Variants in KMT2B observed in about 807,000 individuals in gnomAD.
The protein encoded by KMT2B is histone-lysine N-methyltransferase 2B.
KMT2B carries 22 observed loss-of-function variants against 255.3 expected under a neutral mutation model. The ratio of observed to expected loss-of-function variants is 0.09; its 90% CI spans 0.06 to 0.12. The LOEUF (loss-of-function observed/expected upper bound fraction) is 0.12. KMT2B is among the 10% of genes least tolerant of loss of function. KMT2B has a pLI of 1.00. For synonymous variants in KMT2B, 1,730 were observed against 1,498.1 expected (o/e 1.15, Z -3.57); for missense variants, 3,149 against 3,737.0 (o/e 0.84, Z 4.10).
At position 35,736,785 on chromosome 19, in the gene KMT2B, A is replaced by T. The variant is rs773264056; in HGVS notation, c.7255A>T (p.Ser2419Cys). ...TGGCCCACATCTGCGCTTCGAGATC[A>T]GCAGTGAGGATGGGTTCAGCGTTGA... ...RTGPHLRFEI[S>C]SEDGFSVEAE... The change falls in exon 31 of 37, where the codon AGC (serine) becomes TGC (cysteine). Residue 2419 changes from serine to cysteine, a missense_variant. By Grantham distance (112) the Ser-to-Cys change is moderately radical. This residue lies in a region of KMT2B where 103 missense variants were observed against 200.7 expected (regional missense o/e 0.51). Transcript: ENST00000420124. 5 of 1,613,898 alleles carry T rather than the reference A, an allele frequency of 3.1e-6. No homozygotes were observed. The African/African-American group carries it at 6.7e-5, about 22-fold the overall frequency.
chr19:35,722,507 G>GC, intron 4 of KMT2B, 35 bp downstream of exon 4: 1 of 1,600,032 alleles, frequency 6.2e-7, no homozygotes. Flanking sequence ...AAGAAGACTG[G>GC]CGGGAGGAGT....
At position 35,738,256 on chromosome 19, in the gene KMT2B, C is replaced by G. The variant is rs561907412; in HGVS notation, c.7873-26C>G. ...GAGCCTGTCCGCGGGGACAGAGCAC[C>G]TGATCTCCCCACCTCATCCCTGCAG... is the stretch of plus-strand genomic sequence containing the variant. On this transcript the variant is annotated intron_variant, in intron 36 of 36. Transcript: ENST00000420124. The surrounding 1 kb of genome is among the most constrained non-coding windows in gnomAD (Gnocchi z 8.7). The G allele has an allele frequency of 6.2e-7, 1 of 1,613,156 alleles. No individual in the cohort carries two copies. Among genetic ancestry groups the G allele is most frequent in the East Asian group, 2.2e-5 (1 of 44,838 alleles).
Position 35,723,331 on chromosome 19 carries a change from C to T in KMT2B, c.3002+57C>T. The T allele has an allele frequency of 6.3e-7, 1 of 1,580,336 alleles. No individual in the cohort carries two copies. On this transcript the variant is annotated intron_variant, in intron 6 of 36. Transcript: ENST00000420124. The surrounding 1 kb of genome is among the most constrained non-coding windows in gnomAD (Gnocchi z 7.5). ...GGTTGTTGGTCCCCTAGGCTTCCTA[C>T]CTCACTCCTCTTCTGCCTGGCCAGA...
Position 35,729,079 on chromosome 19 carries a change from G to A in KMT2B, c.4779+3G>A. On this transcript the variant is annotated splice_donor_region_variant and intron_variant, in intron 21 of 36. Transcript: ENST00000420124. Reference sequence around the variant, plus strand: ...AATACGGGGATGCAGACTCCAAGGTGAGGGCTGCTCTGTGACGCACCAGGT... The same window carrying A: ...AATACGGGGATGCAGACTCCAAGGTAAGGGCTGCTCTGTGACGCACCAGGT... The A allele has an allele frequency of 1.2e-6, 2 of 1,614,036 alleles. No homozygotes were observed. Among genetic ancestry groups the A allele is most frequent in the Non-Finnish European group, 1.7e-6 (2 of 1,179,900 alleles).
chr19:35,736,329 C>T lies in KMT2B; in HGVS notation c.7160-361C>T, dbSNP rs1268319. The T allele has an allele frequency of 8.5e-3, 1,755 of 205,754 alleles. 35 individuals are homozygous for T. Among genetic ancestry groups the T allele is most frequent in the African/African-American group, 0.036 (1,577 of 43,348 alleles). The allele number at this position is 205,754 out of a possible 1,614,324, so 12.7% of individuals were successfully genotyped here. A position where few individuals can be genotyped will look rare whatever the true frequency, so the allele number is the denominator to read the frequency against. On this transcript the variant is annotated intron_variant, in intron 30 of 36. Coordinates refer to ENST00000420124, the MANE Select transcript of KMT2B (RefSeq NM_014727.3). Reference sequence around the variant, plus strand: ...AAAAATAGATGTGCAAAATACAATTCTCCAGTATTTTAAATTTTGTGTGAG... The same window carrying T: ...AAAAATAGATGTGCAAAATACAATTTTCCAGTATTTTAAATTTTGTGTGAG...
Position 35,723,043 on chromosome 19 carries a change from G to A in KMT2B, c.2771G>A (p.Arg924Gln), listed in dbSNP as rs747264846. 3.7e-6 allele frequency: 6 copies of A among 1,611,548 alleles called. No individual in the cohort carries two copies. The highest frequency in any genetic ancestry group is 2.2e-5 in the South Asian group (2 of 91,012). Residue 924 changes from arginine (R) to glutamine (Q), a missense_variant, in exon 6 of 37, where the codon CGG (arginine) becomes CAG (glutamine). By Grantham distance (43) the Arg-to-Gln change is conservative. Coordinates refer to ENST00000420124, the MANE Select transcript of KMT2B (RefSeq NM_014727.3). This position sits in a 1 kb window ranked among gnomAD's most constrained non-coding sequence, Gnocchi z 7.5. ...GAGAGTGTCCCGTCACGGTCCCGGC[G>A]GGGAAAGGTGGAGGCAGCAGGCCCT... ...ETESVPSRSR[R>Q]GKVEAAGPGG...
chr19:35,723,364 G>T lies in KMT2B; in HGVS notation c.3003-83G>T. On this transcript the variant is annotated intron_variant, in intron 6 of 36. Transcript: ENST00000420124. This position sits in a 1 kb window ranked among gnomAD's most constrained non-coding sequence, Gnocchi z 7.5. ...CTCTTCTGCCTGGCCAGAGCAGTGG[G>T]GTTGGCATTCTTGTGGAGAGCTTCC... The T allele has an allele frequency of 6.5e-7, 1 of 1,547,548 alleles. No homozygotes were observed. The highest frequency in any genetic ancestry group is 8.8e-7 in the Non-Finnish European group (1 of 1,141,368).
At position 35,723,563 on chromosome 19, in the gene KMT2B, A is replaced by G; in HGVS notation, c.3058+61A>G. The G allele has an allele frequency of 4.1e-6, 6 of 1,471,602 alleles. No individual in the cohort carries two copies. Among genetic ancestry groups the G allele is most frequent in the Non-Finnish European group, 4.6e-6 (5 of 1,088,358 alleles). The allele number at this position is 1,471,602 out of a possible 1,614,324, so 91.2% of individuals were successfully genotyped here. A position where few individuals can be genotyped will look rare whatever the true frequency, so the allele number is the denominator to read the frequency against. On this transcript the variant is annotated intron_variant, in intron 7 of 36. Coordinates refer to ENST00000420124, the MANE Select transcript of KMT2B (RefSeq NM_014727.3). This position sits in a 1 kb window ranked among gnomAD's most constrained non-coding sequence, Gnocchi z 7.5. ...GTGTTAGAGTTTGTGCTGTGGAGGG[A>G]GCTGTTTTTCTTTGCTCTCCTCCCT...
chr19:35,723,462 C>T lies in KMT2B; in HGVS notation c.3018C>T (p.Asp1006=), dbSNP rs1445115626. 1.3e-6 allele frequency: 2 copies of T among 1,578,516 alleles called. No individual in the cohort carries two copies. The highest frequency in any genetic ancestry group is 1.7e-6 in the Non-Finnish European group (2 of 1,162,720). ...CCCTCCCCAGATACCGGAAGTGTGA[C>T]AAAATAGAGGCTCGGAAGATGGAAC... ...KKQCCVYRKC[D]KIEARKMERL... The change falls in exon 7 of 37, where the codon GAC becomes GAT. Residue 1006 remains aspartate, a synonymous_variant. Transcript: ENST00000420124. This position sits in a 1 kb window ranked among gnomAD's most constrained non-coding sequence, Gnocchi z 7.5.
rs201431533 is a variant in KMT2B, at chr19:35,721,396, T to C, written c.2049T>C (p.Pro683=). 1 of 1,609,254 alleles carries C rather than the reference T, an allele frequency of 6.2e-7. No homozygotes were observed. Among genetic ancestry groups the C allele is most frequent in the Admixed American group, 1.7e-5 (1 of 59,482 alleles). Residue 683 remains proline (P), a synonymous_variant, in exon 3 of 37, where the codon CCT becomes CCC. Coordinates refer to ENST00000420124, the MANE Select transcript of KMT2B (RefSeq NM_014727.3). ...AAGCCCCTGAGCCAGAGCCTCCTCC[T>C]GCCGATGACTCTCCAGCTGAGCCTG... ...APEAPEPEPP[P]ADDSPAEPEP...
rs901646478 is a variant in KMT2B at position 35,732,723 on chromosome 19, T to C, written c.6174T>C (p.Ile2058=). The C allele has an allele frequency of 6.8e-6, 11 of 1,610,300 alleles. No individual in the cohort carries two copies. In the Admixed American group the frequency reaches 8.4e-5, roughly 12 times the overall value. ...APSATPGAPR[I]EQLDGVDDGT... is the part of the protein sequence containing the mutation. ...GCGCTACCCCTGGAGCCCCCCGCATTGAACAGCTGGACGGCGTGGACGACG... is the reference window on the plus strand; with the variant it reads ...GCGCTACCCCTGGAGCCCCCCGCATCGAACAGCTGGACGGCGTGGACGACG... Residue 2058 remains isoleucine, a synonymous_variant, in exon 28 of 37, where the codon ATT becomes ATC. Coordinates refer to ENST00000420124, the MANE Select transcript of KMT2B (RefSeq NM_014727.3).
Position 35,737,862 on chromosome 19 carries a change from T to G in KMT2B, c.7662T>G (p.Arg2554=). ...TGACACTGCTGTCCCTCACCAGACG[T>G]GCCACCAGCCTGGAGCTGCCCATGG... is the stretch of plus-strand genomic sequence containing the variant. ...EDEVQLRSTR[R]ATSLELPMAM... The change falls in exon 35 of 37, where the codon CGT becomes CGG. Residue 2554 remains arginine (R), a synonymous_variant. Coordinates refer to ENST00000420124, the MANE Select transcript of KMT2B (RefSeq NM_014727.3). This position sits in a 1 kb window ranked among gnomAD's most constrained non-coding sequence, Gnocchi z 5.3. 2 of 1,570,226 alleles carry G rather than the reference T, an allele frequency of 1.3e-6. No homozygotes were observed. Among genetic ancestry groups the G allele is most frequent in the South Asian group, 2.3e-5 (2 of 85,996 alleles).
Position 35,729,278 on chromosome 19 carries a change from G to C in KMT2B, c.4899G>C (p.Val1633=). The C allele has an allele frequency of 6.2e-7, 1 of 1,600,218 alleles. No individual in the cohort carries two copies. The highest frequency in any genetic ancestry group is 8.5e-7 in the Non-Finnish European group (1 of 1,173,680). ...DGSLKNVHAA[V]ARGRQMRCEL... ...CCCTCAAGAATGTGCATGCTGCTGT[G>C]GCCCGAGGGAGGCAGATGGTGAGGG... Residue 1633 remains valine (V), a synonymous_variant, in exon 22 of 37, where the codon GTG becomes GTC. Transcript: ENST00000420124.
chr19:35,737,902 C>T lies in KMT2B; in HGVS notation c.7702C>T (p.His2568Tyr). Residue 2568 changes from histidine (H) to tyrosine (Y), a missense_variant, in exon 35 of 37, where the codon CAC (histidine) becomes TAC (tyrosine). Physicochemically the swap from His to Tyr is moderately conservative, Grantham distance 83 (BLOSUM62 2). Around this residue, in one of 18 missense-constraint regions of KMT2B, gnomAD observed 56 missense variants for 238.8 expected, o/e 0.23. Coordinates refer to ENST00000420124, the MANE Select transcript of KMT2B (RefSeq NM_014727.3). The surrounding 1 kb of genome is among the most constrained non-coding windows in gnomAD (Gnocchi z 5.3). Reference protein sequence around the residue: ...LELPMAMRFRHLKKTSKEAVG... With the variant: ...LELPMAMRFRYLKKTSKEAVG... ...GCTGCCCATGGCCATGCGTTTTCGT[C>T]ACCTTAAGAAGACGTCCAAAGAAGC... The T allele has an allele frequency of 6.3e-7, 1 of 1,589,122 alleles. No homozygotes were observed. Among genetic ancestry groups the T allele is most frequent in the Non-Finnish European group, 8.6e-7 (1 of 1,166,872 alleles).
chr19:35,725,580 C>T lies in KMT2B; in HGVS notation c.3744C>T (p.Arg1248=). The change falls in exon 12 of 37, where the codon CGC becomes CGT. Residue 1248 remains arginine (R), a synonymous_variant. Coordinates refer to ENST00000420124, the MANE Select transcript of KMT2B (RefSeq NM_014727.3). This position sits in a 1 kb window ranked among gnomAD's most constrained non-coding sequence, Gnocchi z 4.1. ...ATCACGACACCTGGTGCTGCCGTCG[C>T]TGCAAATTCTGCCACGTCTGTGGAC... ...PQHHDTWCCR[R]CKFCHVCGRK... The T allele has an allele frequency of 1.2e-6, 2 of 1,610,304 alleles. 1 individual carries two copies.
chr19:35,733,140 G>C lies in KMT2B; in HGVS notation c.6591G>C (p.Leu2197=), dbSNP rs996901894. 1.3e-6 allele frequency: 2 copies of C among 1,586,402 alleles called. No individual in the cohort carries two copies. Among genetic ancestry groups the C allele is most frequent in the African/African-American group, 1.3e-5 (1 of 74,314 alleles). ...CCAAAATCATACTTGTCAACAAGCT[G>C]GGGCAAGTATTTGTGAAGATGGCTG... The part of the protein sequence containing the change: ...ATSKIILVNK[L]GQVFVKMAGE... Residue 2197 remains leucine, a synonymous_variant, in exon 28 of 37, where the codon CTG becomes CTC. Transcript: ENST00000420124. This position sits in a 1 kb window ranked among gnomAD's most constrained non-coding sequence, Gnocchi z 4.3.
intron 30 of KMT2B, chr19:35,735,642 T>A (rs1969885584): frequency 6.6e-6 from 1 of 152,418 alleles, no homozygotes; most frequent in African/African-American, 2.4e-5. Context: ...TCCTCCATCC[T>A]GTCCTGCTGC....
chr19:35,733,486 G>C lies in KMT2B; in HGVS notation c.6937G>C (p.Val2313Leu), dbSNP rs1400709490. 3 of 1,565,824 alleles carry C rather than the reference G, an allele frequency of 1.9e-6. No homozygotes were observed. The East Asian group carries it at 7.2e-5, about 37-fold the overall frequency. Residue 2313 changes from valine (V) to leucine (L), a missense_variant, in exon 28 of 37, where the codon GTT becomes CTT. Coordinates refer to ENST00000420124, the MANE Select transcript of KMT2B (RefSeq NM_014727.3). This position sits in a 1 kb window ranked among gnomAD's most constrained non-coding sequence, Gnocchi z 4.3. ...DGEASEDTPQ[V>L]PGLGSGGFSR... ...AGAGGCCTCAGAGGATACCCCTCAGGTTCCAGGGCTTGGCAGTGGCGGGTG... is the reference window on the plus strand; with the variant it reads ...AGAGGCCTCAGAGGATACCCCTCAGCTTCCAGGGCTTGGCAGTGGCGGGTG...
Position 35,737,990 on chromosome 19 carries a change from G to A in KMT2B, c.7742+48G>A, listed in dbSNP as rs764035299. ...ATGCCCCTTGGGTGGACGGACAGGT[G>A]CACTGGGTAGGGGGTACTGTCTGGT... On this transcript the variant is annotated intron_variant, in intron 35 of 36. Coordinates refer to ENST00000420124, the MANE Select transcript of KMT2B (RefSeq NM_014727.3). This position sits in a 1 kb window ranked among gnomAD's most constrained non-coding sequence, Gnocchi z 5.3. 5.6e-6 allele frequency: 9 copies of A among 1,610,172 alleles called. No individual in the cohort carries two copies. The South Asian group carries it at 8.8e-5, about 16-fold the overall frequency.
Sources: gnomAD v4.1 joint callset for allele counts on GRCh38, gnomAD v4.1.1 for gene constraint, gnomAD v4.1.1 regional missense constraint, Gnocchi (gnomAD v3.1) non-coding constraint, MANE v1.5 for transcripts, NCBI Gene and HGNC (gene_info 2026-07-23, HGNC 2026-07-21) for gene names.